Variants in ULK4 observed in about 807,000 individuals in gnomAD.
ULK4 encodes the protein inactive serine/threonine-protein kinase ULK4.
In ULK4, 133 loss-of-function variants were observed where a neutral mutation model predicts 160.6. The ratio of observed to expected loss-of-function variants is 0.83; its 90% CI spans 0.72 to 0.96. The LOEUF is 0.96. ULK4 is among the 40% of genes least tolerant of loss of function. The probability of loss-of-function intolerance (pLI) is 0.00; values close to 1 mark genes in which losing one functional copy is unlikely to be tolerated. For synonymous variants in ULK4, 534 were observed against 539.8 expected, an observed-to-expected ratio of 0.99 and a Z score of 0.15; for missense variants, 1,580 against 1,499.5, an observed-to-expected ratio of 1.05 and a Z score of -0.89.
At position 41,327,709 on chromosome 3, in the gene ULK4, C is replaced by T. The variant is rs1352515853; in HGVS notation, c.3678+70370G>A. 3.9e-5 allele frequency among the ~76,000 whole-genome samples: 6 copies of T among 152,120 alleles called. No individual in the cohort carries two copies. In the East Asian group the frequency reaches 1.2e-3, roughly 29 times the overall value. ...AGACCTGCTTAAGAATGCAGTGATG[C>T]TAATTAGGATGATAAGTTGTATTTA... On this transcript the variant is annotated intron_variant, in intron 35 of 36. Transcript: ENST00000301831.
chr3:41,645,978 G>T (rs1336865409), intron 30 of ULK4, among the ~76,000 whole-genome samples: 2 of 152,048 alleles, frequency 1.3e-5, no homozygotes, highest in Non-Finnish European at 2.9e-5. Flanking sequence ...ATCTTTGTTG[G>T]TTTAAAGTCT....
At chr3:41,615,575 G>A (rs778760320) in intron 31 of ULK4, 94 bp downstream of exon 31, 6 of 1,223,344 alleles carry the variant, frequency 4.9e-6, no homozygotes, top group Non-Finnish European at 7.0e-6. Context: ...CTTCAGGGCA[G>A]AGGCAGGGTT....
chr3:41,658,729 A>ACACACACACACACACACT (rs2035031712), intron 30 of ULK4, among the ~76,000 whole-genome samples: 1 of 112,418 alleles, frequency 8.9e-6, no homozygotes, highest in African/African-American at 4.4e-5. Flanking sequence ...GAAAAACAGT[A>ACACACACACACACACACT]CACACACACA....
chr3:41,653,674 C>T (rs2034830890), intron 30 of ULK4, among the ~76,000 whole-genome samples: 1 of 152,156 alleles, frequency 6.6e-6, no homozygotes, highest in Non-Finnish European at 1.5e-5. Flanking sequence ...GTATTTTAGG[C>T]TTTGCCAGAC....
intron 35 of ULK4, among the ~76,000 whole-genome samples, chr3:41,393,349 A>G (rs527600612): frequency 5.9e-5 from 9 of 152,156 alleles, no homozygotes; most frequent in Non-Finnish European, 1.2e-4. Flanking sequence ...TCTAAACTCT[A>G]AATGCTCCTA....
In ULK4 at chr3:41,835,945, A is replaced by G. The variant is rs80064084; in HGVS notation, c.1683T>C (p.Ile561=). 4.2e-5 allele frequency: 68 copies of G among 1,610,180 alleles called. No individual in the cohort carries two copies. The African/African-American group carries it at 8.5e-4, about 20-fold the overall frequency. The change falls in exon 18 of 37, where the codon ATT becomes ATC. Residue 561 remains isoleucine (I), a synonymous_variant. Coordinates refer to ENST00000301831, the MANE Select transcript of ULK4 (RefSeq NM_017886.4). The part of the protein sequence containing the change: ...VEAIVLLTEL[I]RENFRNSKLK... Reference sequence around the variant, plus strand: ...ATTTGCTGTTCCTGAAGTTTTCCCTAATTAATTCAGTTAAGAGAACAATTG... The same window carrying G: ...ATTTGCTGTTCCTGAAGTTTTCCCTGATTAATTCAGTTAAGAGAACAATTG...
At chr3:41,473,881 T>C (rs1037262707) in intron 32 of ULK4, among the ~76,000 whole-genome samples, 4 of 151,944 alleles carry the variant, frequency 2.6e-5, no homozygotes, top group African/African-American at 7.2e-5. Context: ...TGTTCATGGA[T>C]TGGAGGAATT....
At chr3:41,340,577 T>C (rs2080660852) in intron 35 of ULK4, among the ~76,000 whole-genome samples, 1 of 152,246 alleles carries the variant, frequency 6.6e-6, no homozygotes, top group Non-Finnish European at 1.5e-5. Context: ...GCTATTTAAA[T>C]TTAAGTAAAA....
chr3:41,318,417 G>C (rs6789086), intron 35 of ULK4, among the ~76,000 whole-genome samples: 1 of 152,070 alleles, frequency 6.6e-6, no homozygotes, highest in Non-Finnish European at 1.5e-5. Context: ...TTTAAATTCA[G>C]TAAGTAGGCA....
intron 22 of ULK4, among the ~76,000 whole-genome samples, chr3:41,735,952 T>C (rs2125872795): frequency 6.6e-6 from 1 of 150,662 alleles, no homozygotes; most frequent in African/African-American, 2.4e-5. Flanking sequence ...TTTGGTTTTT[T>C]GTCCTTGCGA....
At chr3:41,674,470 T>C (rs2035639764) in intron 29 of ULK4, among the ~76,000 whole-genome samples, 4 of 152,220 alleles carry the variant, frequency 2.6e-5, no homozygotes, top group Admixed American at 2.6e-4. Flanking sequence ...TTTCTGAGTA[T>C]ATGTGGTATC....
intron 35 of ULK4, among the ~76,000 whole-genome samples, chr3:41,351,204 C>A (rs2080903370): frequency 6.6e-6 from 1 of 152,178 alleles, no homozygotes; most frequent in African/African-American, 2.4e-5. Context: ...GATATACCCC[C>A]TGAAAAAGCT....
At chr3:41,264,517 G>A (rs148581000) in intron 35 of ULK4, among the ~76,000 whole-genome samples, 4 of 152,326 alleles carry the variant, frequency 2.6e-5, no homozygotes, top group African/African-American at 9.6e-5. Flanking sequence ...CTCTTGTAGG[G>A]CTAAATGCTG....
chr3:41,669,163 T>C (rs1336161000), intron 29 of ULK4, among the ~76,000 whole-genome samples: 1 of 152,136 alleles, frequency 6.6e-6, no homozygotes, highest in African/African-American at 2.4e-5. Flanking sequence ...GGCAGTTTCA[T>C]AAAGGGAAGC....
At chr3:41,734,095 G>A (rs900008823) in intron 22 of ULK4, among the ~76,000 whole-genome samples, 1 of 152,076 alleles carries the variant, frequency 6.6e-6, no homozygotes, top group African/African-American at 2.4e-5. Context: ...CTGGGGTGGG[G>A]GGAGCTGAAC....
At chr3:41,579,692 C>A (rs2030110350) in intron 31 of ULK4, among the ~76,000 whole-genome samples, 1 of 151,864 alleles carries the variant, frequency 6.6e-6, no homozygotes, top group African/African-American at 2.4e-5. Context: ...CGGGGTTTCA[C>A]CGTGTTAGCC....
At chr3:41,915,905 T>TA (rs1275342028) in intron 8 of ULK4, 72 bp downstream of exon 8, 2 of 1,055,398 alleles carry the variant, frequency 1.9e-6, no homozygotes, top group Admixed American at 5.0e-5. Flanking sequence ...TTATTCCCAT[T>TA]AAAATACTGC....
At chr3:41,756,915 A>G (rs182073771) in intron 21 of ULK4, among the ~76,000 whole-genome samples, 58 of 152,342 alleles carry the variant, frequency 3.8e-4, no homozygotes, top group African/African-American at 1.3e-3. Context: ...ACATATATAC[A>G]TACATATATA....
At chr3:41,411,812 C>G (rs1398988054) in intron 34 of ULK4, among the ~76,000 whole-genome samples, 1 of 152,058 alleles carries the variant, frequency 6.6e-6, no homozygotes. Context: ...GGAAGCCTCC[C>G]CCGCCCCTCT....
Sources: gnomAD v4.1 joint callset for allele counts (sites outside exome capture counted in the v4.1 genomes callset) on GRCh38, gnomAD v4.1.1 for gene constraint, MANE v1.5 for transcripts, NCBI Gene and HGNC (gene_info 2026-07-23, HGNC 2026-07-21) for gene names.